LARGE1: variants seen among roughly 807,000 people sequenced by gnomAD.
The protein encoded by LARGE1 is LARGE xylosyl- and glucuronyltransferase 1.
LARGE1 carries 43 observed loss-of-function variants against 87.6 expected under a neutral mutation model. That is an observed-to-expected ratio of 0.49 (90% CI 0.38 to 0.63). The LOEUF (loss-of-function observed/expected upper bound fraction) is 0.63, where lower values mean the gene tolerates loss of function less well. Ranked by LOEUF, LARGE1 falls within the 30% of genes least tolerant of loss-of-function variation. LARGE1 has a pLI of 0.00. For missense variants in LARGE1, 802 were observed against 1,000.2 expected, an observed-to-expected ratio of 0.80 and a Z score of 2.67; for synonymous variants, 434 against 394.6, an observed-to-expected ratio of 1.10 and a Z score of -1.18.
intron 1 of LARGE1, among the ~76,000 whole-genome samples, chr22:33,823,540 CCA>C (rs1372549835): frequency 6.6e-6 from 1 of 152,170 alleles, no homozygotes; most frequent in East Asian, 1.9e-4. Flanking sequence ...TGAGGTCCAG[CCA>C]CACTTCCAGA....
At chr22:33,116,251 C>T in the LARGE1 span, 2 of 152,204 alleles carry the variant, frequency 1.3e-5, no homozygotes, top group African/African-American at 4.8e-5. Flanking sequence ...CACTCCTAAC[C>T]CTCCATCCTT....
At chr22:33,082,891 G>A in the LARGE1 span, among the ~76,000 whole-genome samples, 3 of 152,122 alleles carry the variant, frequency 2.0e-5, no homozygotes, top group East Asian at 5.8e-4. Context: ...CGGGCGTGGT[G>A]GCGGGCACCT....
chr22:33,440,242 C>A (rs2067418292), intron 6 of LARGE1, among the ~76,000 whole-genome samples: 1 of 152,202 alleles, frequency 6.6e-6, no homozygotes, highest in Non-Finnish European at 1.5e-5. Flanking sequence ...CCACAACCCA[C>A]CATCTTAGCC....
intron 6 of LARGE1, among the ~76,000 whole-genome samples, chr22:33,464,906 CAT>C (rs71187268): frequency 0.017 from 2,435 of 142,082 alleles, 61 homozygotes; most frequent in African/African-American, 0.071. Context: ...CACACACACA[CAT>C]ACACATGCAC....
intron 3 of LARGE1, among the ~76,000 whole-genome samples, chr22:33,631,825 G>T (rs1206022674): frequency 2.6e-5 from 4 of 152,148 alleles, no homozygotes; most frequent in Non-Finnish European, 4.4e-5. Context: ...CAGCGCAGTC[G>T]GTTTGTTCAC....
At chr22:33,820,097 C>T (rs2086775395) in intron 1 of LARGE1, among the ~76,000 whole-genome samples, 1 of 152,090 alleles carries the variant, frequency 6.6e-6, no homozygotes, top group Non-Finnish European at 1.5e-5. Context: ...TCTGTGAGTG[C>T]AAAATAAACA....
rs5994809 is a variant in LARGE1, at chr22:33,910,242, A to G, written c.-83+9753T>C. Among the ~76,000 whole-genome samples, 1,343 of 152,302 alleles carry G rather than the reference A, an allele frequency of 8.8e-3. 35 individuals carry two copies. Among genetic ancestry groups the G allele is most frequent in the African/African-American group, 0.031 (1,280 of 41,560 alleles). On this transcript the variant is annotated intron_variant, in intron 1 of 14. Transcript: ENST00000397394. ...TAATATAATAAATGTTGAGTGGAGG[A>G]GTCGTAAGTACTAAGAGCTTCGCAA... is the stretch of plus-strand genomic sequence containing the variant.
intron 2 of LARGE1, among the ~76,000 whole-genome samples, chr22:33,676,893 A>G (rs1320335611): frequency 6.6e-6 from 1 of 152,092 alleles, no homozygotes; most frequent in African/African-American, 2.4e-5. Context: ...CTTAAAGGTC[A>G]AGAAGAAGAC....
At chr22:33,855,117 G>A (rs1807710) in intron 1 of LARGE1, among the ~76,000 whole-genome samples, 27,901 of 152,104 alleles carry the variant, frequency 0.18, 2,741 homozygotes, top group Middle Eastern at 0.27. Context: ...GGCGGATTAT[G>A]AGGTCAGGAG....
chr22:33,450,204 ACCTGGCCGAGG>A (rs2067854256), intron 6 of LARGE1, among the ~76,000 whole-genome samples: 1 of 151,870 alleles, frequency 6.6e-6, no homozygotes, highest in Non-Finnish European at 1.5e-5. Flanking sequence ...GAGCCACTGC[ACCTGGCCGAGG>A]CTTTTGTACT....
rs993491425 is a variant in LARGE1 at position 33,843,885 on chromosome 22, C to T, written c.-83+76110G>A. On this transcript the variant is annotated intron_variant, in intron 1 of 14. Transcript: ENST00000397394. The stretch of plus-strand genomic sequence containing the variant: ...CTGAAGTCAGCAGTTCGAGACCAGG[C>T]TGCCCAACACATTAAAACTCCGTCT... 5.3e-5 allele frequency among the ~76,000 whole-genome samples: 8 copies of T among 152,172 alleles called. No homozygotes were observed. The East Asian group carries it at 1.5e-3, about 29-fold the overall frequency.
intron 9 of LARGE1, among the ~76,000 whole-genome samples, chr22:33,372,200 G>C (rs999855957): frequency 6.6e-6 from 1 of 151,930 alleles, no homozygotes; most frequent in African/African-American, 2.4e-5. Context: ...AAATATATTT[G>C]AGTCTATTAA....
chr22:33,387,962 G>A (rs2147172955), intron 7 of LARGE1, among the ~76,000 whole-genome samples: 1 of 152,200 alleles, frequency 6.6e-6, no homozygotes, highest in Admixed American at 6.5e-5. Flanking sequence ...TTCCTCAAAG[G>A]CAGCCAGTAT....
intron 5 of LARGE1, among the ~76,000 whole-genome samples, chr22:33,566,249 T>C (rs1205256951): frequency 6.6e-6 from 1 of 152,238 alleles, no homozygotes; most frequent in Non-Finnish European, 1.5e-5. Flanking sequence ...CATGATACTC[T>C]TGTTTTTCTG....
chr22:33,620,272 A>G (rs1187120794), intron 4 of LARGE1, among the ~76,000 whole-genome samples: 1 of 152,240 alleles, frequency 6.6e-6, no homozygotes, highest in Non-Finnish European at 1.5e-5. Flanking sequence ...AGATCATGCT[A>G]GCAAACAAAT....
At chr22:33,719,251 T>A (rs2083006248) in intron 2 of LARGE1, among the ~76,000 whole-genome samples, 1 of 152,206 alleles carries the variant, frequency 6.6e-6, no homozygotes, top group African/African-American at 2.4e-5. Flanking sequence ...TAAAAATATT[T>A]CAAAGTTTAT....
chr22:33,244,248 G>T (rs1238282678), intron 11 of LARGE1, among the ~76,000 whole-genome samples: 1 of 152,066 alleles, frequency 6.6e-6, no homozygotes, highest in East Asian at 1.9e-4. Flanking sequence ...GCCCACTTCG[G>T]CCTCCCAAAG....
In LARGE1 at chr22:33,844,742, C is replaced by T. The variant is rs552686552; in HGVS notation, c.-83+75253G>A. Among the ~76,000 whole-genome samples, 273 of 147,388 alleles carry T rather than the reference C, an allele frequency of 1.9e-3. 1 individual carries two copies. The highest frequency in any genetic ancestry group is 6.2e-3 in the African/African-American group (247 of 39,936). On this transcript the variant is annotated intron_variant, in intron 1 of 14. Coordinates refer to ENST00000397394, the MANE Select transcript of LARGE1 (RefSeq NM_133642.5). ...CCAAACTTTTTTTTTTTTTTTGAGACGGAGTTTGGCTCTTGTTGCCCAGGC... is the reference window on the plus strand; with the variant it reads ...CCAAACTTTTTTTTTTTTTTTGAGATGGAGTTTGGCTCTTGTTGCCCAGGC...
At chr22:33,864,214 G>A (rs1207675104) in intron 1 of LARGE1, among the ~76,000 whole-genome samples, 1 of 152,064 alleles carries the variant, frequency 6.6e-6, no homozygotes. Flanking sequence ...AGGTTTAAGG[G>A]GCTCTCATTT....
Sources: gnomAD v4.1 joint callset for allele counts (sites outside exome capture counted in the v4.1 genomes callset) on GRCh38, gnomAD v4.1.1 for gene constraint, MANE v1.5 for transcripts, NCBI Gene and HGNC (gene_info 2026-07-23, HGNC 2026-07-21) for gene names.